Variants in PABPC4L observed in about 807,000 individuals in gnomAD.
PABPC4L encodes the protein polyadenylate-binding protein 4-like.
For missense variants in PABPC4L, 452 were observed against 451.4 expected, an observed-to-expected ratio of 1.00 and a Z score of -0.01; for synonymous variants, 169 against 164.1, an observed-to-expected ratio of 1.03 and a Z score of -0.23.
chr4:134,098,793 A>T, the PABPC4L span, among the ~76,000 whole-genome samples: 1 of 151,876 alleles, frequency 6.6e-6, no homozygotes, highest in Non-Finnish European at 1.5e-5. Flanking sequence ...AAAAATGGTT[A>T]CTGTGATAAG....
Position 134,200,128 on chromosome 4 carries a change from T to A in PABPC4L, c.892A>T (p.Lys298Ter). Reference protein sequence around the residue: ...RGCQGVKLYIKNLDDTIDDEK... With the variant: ...RGCQGVKLYI ...TCATCGATGGTGTCATCAAGGTTCTTAATATAGAGTTTTACCCCCTGGCAC... is the reference window on the plus strand; with the variant it reads ...TCATCGATGGTGTCATCAAGGTTCTAAATATAGAGTTTTACCCCCTGGCAC... The change falls in exon 2 of 2, where the codon AAG becomes TAG. Residue 298 changes from lysine (K) to a stop codon, truncating the protein, a stop_gained. Coordinates refer to ENST00000421491, the MANE Select transcript of PABPC4L (RefSeq NM_001114734.2). LOFTEE classifies it low-confidence loss of function (END_TRUNC). 1 of 1,551,664 alleles carries A rather than the reference T, an allele frequency of 6.4e-7. No homozygotes were observed. The highest frequency in any genetic ancestry group is 8.7e-7 in the Non-Finnish European group (1 of 1,146,954).
At chr4:134,146,111 T>C in the PABPC4L span, among the ~76,000 whole-genome samples, 1 of 151,470 alleles carries the variant, frequency 6.6e-6, no homozygotes, top group Non-Finnish European at 1.5e-5. Flanking sequence ...TGTACATGTA[T>C]ATTTTATTTA....
the PABPC4L span, among the ~76,000 whole-genome samples, chr4:133,962,435 A>C: frequency 6.6e-6 from 1 of 152,228 alleles, no homozygotes; most frequent in Non-Finnish European, 1.5e-5. Flanking sequence ...GCATAAAGAA[A>C]AAACAATAAA....
At chr4:134,019,467 G>A in the PABPC4L span, among the ~76,000 whole-genome samples, 2 of 152,124 alleles carry the variant, frequency 1.3e-5, no homozygotes, top group African/African-American at 4.8e-5. Context: ...TAAGTTGGCT[G>A]CAATGAAATA....
chr4:134,085,886 G>C, the PABPC4L span, among the ~76,000 whole-genome samples: 28,335 of 152,062 alleles, frequency 0.19, 3,272 homozygotes, highest in Admixed American at 0.25. Context: ...TTCTTTTGGT[G>C]CACAGATATC....
At chr4:134,147,423 T>C in the PABPC4L span, among the ~76,000 whole-genome samples, 3 of 152,140 alleles carry the variant, frequency 2.0e-5, no homozygotes, top group South Asian at 6.2e-4. Context: ...ACAAAAACTA[T>C]GAAAAAAATT....
At position 134,196,582 on chromosome 4, in the gene PABPC4L, G is replaced by T. The variant is rs1472313593; in HGVS notation, c.*3325C>A. The stretch of plus-strand genomic sequence containing the variant: ...AGAGAAGGGTGAAAGTAGAAACAGT[G>T]GCTCAAGGCATATCTATGTACATTA... On this transcript the variant is annotated 3_prime_UTR_variant, in exon 2 of 2. Transcript: ENST00000421491. 6.6e-6 allele frequency: 1 copy of T among 151,600 alleles called. No homozygotes were observed. Among genetic ancestry groups the T allele is most frequent in the Non-Finnish European group, 1.5e-5 (1 of 67,638 alleles). The allele number at this position is 151,600 out of a possible 1,614,324, so 9.4% of individuals were successfully genotyped here.
At chr4:133,988,590 G>A in the PABPC4L span, among the ~76,000 whole-genome samples, 1 of 152,202 alleles carries the variant, frequency 6.6e-6, no homozygotes, top group African/African-American at 2.4e-5. Context: ...CCTGCCCTGT[G>A]GCTCTGCAGG....
At chr4:134,183,557 TGA>T in the PABPC4L span, among the ~76,000 whole-genome samples, 1 of 151,402 alleles carries the variant, frequency 6.6e-6, no homozygotes, top group African/African-American at 2.4e-5. Flanking sequence ...ACCAAACCCC[TGA>T]GACACAAAAT....
the PABPC4L span, among the ~76,000 whole-genome samples, chr4:134,014,341 T>C: frequency 6.6e-6 from 1 of 152,192 alleles, no homozygotes; most frequent in Non-Finnish European, 1.5e-5. Context: ...TTGCTTCCAC[T>C]GTGAGACAAA....
the PABPC4L span, among the ~76,000 whole-genome samples, chr4:134,019,953 C>T: frequency 1.6e-4 from 25 of 152,218 alleles, no homozygotes; most frequent in African/African-American, 5.8e-4. Context: ...ACTAACATCA[C>T]GTGTTTCTCA....
the PABPC4L span, among the ~76,000 whole-genome samples, chr4:133,953,055 TCCTGGTGGGA>T: frequency 6.6e-6 from 1 of 152,156 alleles, no homozygotes; most frequent in Non-Finnish European, 1.5e-5. Context: ...TATCAAGGGT[TCCTGGTGGGA>T]CCTGCTCAGA....
At chr4:134,103,002 A>G in the PABPC4L span, among the ~76,000 whole-genome samples, 1 of 151,488 alleles carries the variant, frequency 6.6e-6, no homozygotes, top group East Asian at 1.9e-4. Flanking sequence ...TATTTCTACA[A>G]TTACATGTGG....
At chr4:134,189,314 C>T in the PABPC4L span, among the ~76,000 whole-genome samples, 20 of 80,768 alleles carry the variant, frequency 2.5e-4, no homozygotes, top group African/African-American at 1.1e-3. Context: ...TGCTGTATCT[C>T]TTCAAATTGC....
At chr4:134,023,656 A>T in the PABPC4L span, among the ~76,000 whole-genome samples, 16 of 152,124 alleles carry the variant, frequency 1.1e-4, no homozygotes, top group East Asian at 5.8e-4. Flanking sequence ...ATATTTTTTT[A>T]AAAAACATGT....
the PABPC4L span, among the ~76,000 whole-genome samples, chr4:133,953,325 A>G: frequency 6.6e-6 from 1 of 152,160 alleles, no homozygotes; most frequent in East Asian, 1.9e-4. Flanking sequence ...AGTGGAAACC[A>G]TGATCTTTGC....
At chr4:134,069,927 T>C in the PABPC4L span, among the ~76,000 whole-genome samples, 1 of 151,964 alleles carries the variant, frequency 6.6e-6, no homozygotes, top group South Asian at 2.1e-4. Context: ...CTAGCATTAG[T>C]TTTTTCTCAT....
At chr4:134,072,113 C>A in the PABPC4L span, among the ~76,000 whole-genome samples, 2 of 152,182 alleles carry the variant, frequency 1.3e-5, no homozygotes, top group Admixed American at 6.5e-5. Flanking sequence ...AATGTGATTT[C>A]TTTTTGCCTG....
At chr4:134,002,453 A>G in the PABPC4L span, among the ~76,000 whole-genome samples, 6 of 152,016 alleles carry the variant, frequency 3.9e-5, no homozygotes, top group Admixed American at 2.6e-4. Context: ...CAAGATTAAA[A>G]GGGATATACA....
Sources: gnomAD v4.1 joint callset for allele counts (sites outside exome capture counted in the v4.1 genomes callset) on GRCh38, gnomAD v4.1.1 for gene constraint, MANE v1.5 for transcripts, NCBI Gene and HGNC (gene_info 2026-07-23, HGNC 2026-07-21) for gene names.